Variants in RBFOX3 observed in about 807,000 individuals in gnomAD.
The protein encoded by RBFOX3 is RNA binding protein fox-1 homolog 3.
RBFOX3 carries 17 observed loss-of-function variants against 48.7 expected under a neutral mutation model. The observed-to-expected ratio is 0.35, with a 90% CI of 0.24 to 0.52. The LOEUF (loss-of-function observed/expected upper bound fraction) is 0.52, where lower values mean the gene tolerates loss of function less well. Ranked by LOEUF, RBFOX3 falls within the 20% of genes least tolerant of loss-of-function variation. The pLI, the probability that RBFOX3 is intolerant of heterozygous loss-of-function variation, is 0.94. For missense variants in RBFOX3, 382 were observed against 497.5 expected (o/e 0.77, Z 2.21); for synonymous variants, 212 against 209.5 (o/e 1.01, Z -0.10).
At chr17:79,258,261 C>G (rs1434446161) in intron 3 of RBFOX3, among the ~76,000 whole-genome samples, 1 of 152,248 alleles carries the variant, frequency 6.6e-6, no homozygotes, top group Non-Finnish European at 1.5e-5. Context: ...CACTGACAGG[C>G]AGTCGCAGCA....
intron 4 of RBFOX3, among the ~76,000 whole-genome samples, chr17:79,132,484 C>T (rs910062986): frequency 9.2e-5 from 14 of 152,206 alleles, no homozygotes; most frequent in Non-Finnish European, 8.8e-5. Context: ...GATCAGCACC[C>T]GGCACTGGGC....
In RBFOX3 at chr17:79,471,781, A is replaced by T. The variant is rs2077092864; in HGVS notation, c.-175+10673T>A. Among the ~76,000 whole-genome samples the T allele has an allele frequency of 6.6e-6, 1 of 152,292 alleles. No individual in the cohort carries two copies. The highest frequency in any genetic ancestry group is 1.9e-4 in the East Asian group (1 of 5,178). ...TGGACGCAGGCAGGTTAGCTATCCC[A>T]GCCCTATGCATCACTCCTGCATCAC... On this transcript the variant is annotated intron_variant, in intron 2 of 14. Transcript: ENST00000693108. The surrounding 1 kb of genome is among the most constrained non-coding windows in gnomAD (Gnocchi z 4.0).
At chr17:79,177,602 G>A (rs1351525348) in intron 4 of RBFOX3, among the ~76,000 whole-genome samples, 1 of 152,170 alleles carries the variant, frequency 6.6e-6, no homozygotes, top group East Asian at 1.9e-4. Context: ...CACCCATGCT[G>A]CCCACCAAGC....
intron 4 of RBFOX3, among the ~76,000 whole-genome samples, chr17:79,165,671 T>G (rs1006267755): frequency 6.6e-6 from 1 of 152,162 alleles, no homozygotes; most frequent in Non-Finnish European, 1.5e-5. Context: ...CTTTCGCAGG[T>G]GCCTCAGACA....
intron 4 of RBFOX3, among the ~76,000 whole-genome samples, chr17:79,159,191 C>G (rs1282019434): frequency 6.6e-6 from 1 of 152,190 alleles, no homozygotes; most frequent in African/African-American, 2.4e-5. Flanking sequence ...CAGGGAGGCT[C>G]TGACTCAATG....
At position 79,312,473 on chromosome 17, in the gene RBFOX3, G is replaced by A. The variant is rs183824789; in HGVS notation, c.-174-4649C>T. On this transcript the variant is annotated intron_variant, in intron 2 of 14. Transcript: ENST00000693108. ...CACCAGATGCACTGTGAGGGCAGGA[G>A]CATGAGTCTGCCAGGCGCTGTCCTG... is the stretch of plus-strand genomic sequence containing the variant. Among the ~76,000 whole-genome samples the A allele has an allele frequency of 5.0e-4, 76 of 152,226 alleles. 1 individual carries two copies. In the South Asian group the frequency reaches 9.1e-3, roughly 18 times the overall value.
chr17:79,643,114 G>A, the RBFOX3 span, among the ~76,000 whole-genome samples: 1 of 151,938 alleles, frequency 6.6e-6, no homozygotes, highest in Non-Finnish European at 1.5e-5. Flanking sequence ...AAAAACAAAA[G>A]GCTTAAAAAT....
intron 1 of RBFOX3, among the ~76,000 whole-genome samples, chr17:79,506,333 A>C (rs2083115481): frequency 6.6e-6 from 1 of 152,176 alleles, no homozygotes; most frequent in Non-Finnish European, 1.5e-5. Flanking sequence ...GAGAAGCAGC[A>C]AAGGTACACG....
chr17:79,090,650 G>A lies in RBFOX3; in HGVS notation c.*233C>T, dbSNP rs1483078859. On this transcript the variant is annotated 3_prime_UTR_variant, in exon 15 of 15. Transcript: ENST00000693108. Reference sequence around the variant, plus strand: ...CCCACTGTGCTGCCAGCCAGGACGCGGTGGGGCCGTCCTGTCCTGGGGCCG... The same window carrying A: ...CCCACTGTGCTGCCAGCCAGGACGCAGTGGGGCCGTCCTGTCCTGGGGCCG... 14 of 532,420 alleles carry A rather than the reference G, an allele frequency of 2.6e-5. No homozygotes were observed. The highest frequency in any genetic ancestry group is 4.0e-5 in the Non-Finnish European group (12 of 300,608). The allele number at this position is 532,420 out of a possible 1,614,324, so 33.0% of individuals were successfully genotyped here.
intron 2 of RBFOX3, among the ~76,000 whole-genome samples, chr17:79,408,058 G>A (rs988454617): frequency 7.9e-5 from 12 of 152,124 alleles, no homozygotes; most frequent in Admixed American, 2.0e-4. Context: ...CTGCCCTGAC[G>A]CTTGCCAGCT....
chr17:79,540,394 A>G (rs543478823), intron 1 of RBFOX3, among the ~76,000 whole-genome samples: 2 of 152,342 alleles, frequency 1.3e-5, no homozygotes, highest in Admixed American at 1.3e-4. Flanking sequence ...TGAACGGCGG[A>G]GGCCCCGGCA....
chr17:79,621,560 C>A, the RBFOX3 span, among the ~76,000 whole-genome samples: 1 of 152,212 alleles, frequency 6.6e-6, no homozygotes, highest in South Asian at 2.1e-4. Flanking sequence ...CACTGAGTGC[C>A]TGGGTGGCAA....
intron 2 of RBFOX3, among the ~76,000 whole-genome samples, chr17:79,451,344 G>A (rs1371387225): frequency 2.0e-5 from 3 of 152,166 alleles, no homozygotes; most frequent in Non-Finnish European, 4.4e-5. Context: ...ACAATCACAG[G>A]CAAAGACGTG....
chr17:79,264,339 G>A (rs1308623346), intron 3 of RBFOX3, among the ~76,000 whole-genome samples: 1 of 151,254 alleles, frequency 6.6e-6, no homozygotes, highest in Non-Finnish European at 1.5e-5. Context: ...CCCTCCCAAA[G>A]TGCTGGGATT....
At chr17:79,094,649 TCTGCAAGGCACCCTCCCCTC>T in intron 13 of RBFOX3, 120 bp from the exon 14 acceptor site, 1 of 588,386 alleles carries the variant, frequency 1.7e-6, no homozygotes, top group East Asian at 3.5e-5. Flanking sequence ...CGAGGTCCCA[TCTGCAAGGCACCCTCCCCTC>T]CTGCAAGGCC....
chr17:79,118,820 A>T (rs1190775527), intron 4 of RBFOX3, among the ~76,000 whole-genome samples: 1 of 151,502 alleles, frequency 6.6e-6, no homozygotes, highest in Admixed American at 6.6e-5. Flanking sequence ...AAAATAAAAA[A>T]AAAAAAAATA....
chr17:79,434,448 A>G (rs921751465), intron 2 of RBFOX3, among the ~76,000 whole-genome samples: 8 of 152,264 alleles, frequency 5.3e-5, no homozygotes, highest in Middle Eastern at 3.4e-3. Flanking sequence ...CATGCCCCCA[A>G]CTTCCAAGGA....
intron 1 of RBFOX3, among the ~76,000 whole-genome samples, chr17:79,518,429 G>A (rs1048890089): frequency 1.5e-3 from 226 of 152,346 alleles, no homozygotes; most frequent in African/African-American, 5.3e-3. Context: ...TGGCCTGGCC[G>A]GGGCCCCAAG....
At chr17:79,450,166 C>T (rs1286864186) in intron 2 of RBFOX3, among the ~76,000 whole-genome samples, 1 of 152,202 alleles carries the variant, frequency 6.6e-6, no homozygotes, top group East Asian at 1.9e-4. Flanking sequence ...ATGCCAGACT[C>T]AAGGAGGTCA....
Sources: allele counts gnomAD v4.1 joint callset (sites outside exome capture counted in the v4.1 genomes callset), GRCh38; gene constraint gnomAD v4.1.1; non-coding constraint Gnocchi (gnomAD v3.1); transcripts MANE v1.5; gene names NCBI Gene and HGNC (gene_info 2026-07-23, HGNC 2026-07-21).